CDC42SE2: variants seen among roughly 807,000 people sequenced by gnomAD.
The protein encoded by CDC42SE2 is CDC42 small effector 2.
In CDC42SE2, 3 loss-of-function variants were observed where a neutral mutation model predicts 11.5. The observed-to-expected ratio is 0.26, with a 90% confidence interval of 0.12 to 0.67. The LOEUF is 0.67. Ranked by LOEUF, CDC42SE2 falls within the 30% of genes least tolerant of loss-of-function variation. The pLI is 0.80. For synonymous variants in CDC42SE2, 33 were observed against 34.8 expected, an observed-to-expected ratio of 0.95 and a Z score of 0.18; for missense variants, 82 against 106.8, an observed-to-expected ratio of 0.77 and a Z score of 1.02.
intron 2 of CDC42SE2, among the ~76,000 whole-genome samples, chr5:131,356,132 T>C (rs1749537201): frequency 1.3e-5 from 2 of 152,216 alleles, no homozygotes; most frequent in Non-Finnish European, 2.9e-5. Flanking sequence ...AATACTCTCT[T>C]GTGCTGTAGA....
chr5:131,390,356 T>C (rs536101864), intron 4 of CDC42SE2, among the ~76,000 whole-genome samples: 3 of 152,290 alleles, frequency 2.0e-5, no homozygotes, highest in African/African-American at 7.2e-5. Context: ...ATGTGAGATA[T>C]CTGTAAATTA....
chr5:131,300,610 T>C (rs1757658005), intron 1 of CDC42SE2, among the ~76,000 whole-genome samples: 1 of 151,826 alleles, frequency 6.6e-6, no homozygotes. Flanking sequence ...CATTGAAACC[T>C]GTCTCTACTA....
intron 1 of CDC42SE2, among the ~76,000 whole-genome samples, chr5:131,292,662 G>T (rs1052259894): frequency 6.6e-6 from 1 of 151,710 alleles, no homozygotes; most frequent in Non-Finnish European, 1.5e-5. Flanking sequence ...ACTTTGGGAG[G>T]CTGAGGTTGG....
chr5:131,297,818 T>G (rs938596755), intron 1 of CDC42SE2, among the ~76,000 whole-genome samples: 3 of 152,020 alleles, frequency 2.0e-5, no homozygotes, highest in Non-Finnish European at 4.4e-5. Flanking sequence ...ATTTTACCCT[T>G]TGAGAAATAA....
chr5:131,370,945 G>T (rs575720097), intron 3 of CDC42SE2, among the ~76,000 whole-genome samples: 105 of 152,220 alleles, frequency 6.9e-4, no homozygotes, highest in Non-Finnish European at 1.3e-3. Flanking sequence ...AAATAGGAAA[G>T]AAAGGAATAC....
intron 3 of CDC42SE2, among the ~76,000 whole-genome samples, chr5:131,361,220 T>C (rs60527956): frequency 0.017 from 2,620 of 152,174 alleles, 75 homozygotes; most frequent in African/African-American, 0.06. Flanking sequence ...CTCTTCAATA[T>C]ATGATAAATG....
At chr5:131,210,240 T>C in the CDC42SE2 span, among the ~76,000 whole-genome samples, 1 of 152,218 alleles carries the variant, frequency 6.6e-6, no homozygotes, top group African/African-American at 2.4e-5. Flanking sequence ...AACAGACTGA[T>C]ACAGAGGTGC....
chr5:131,269,815 CT>C, intron 1 of CDC42SE2, among the ~76,000 whole-genome samples: 1 of 152,202 alleles, frequency 6.6e-6, no homozygotes, highest in South Asian at 2.1e-4. Flanking sequence ...AATCCTAGCA[CT>C]TTGGGAGGCC....
chr5:131,330,247 A>G lies in CDC42SE2; in HGVS notation c.-286+14103A>G, dbSNP rs200989794. 1.4e-4 allele frequency among the ~76,000 whole-genome samples: 22 copies of G among 152,346 alleles called. No homozygotes were observed. The East Asian group carries it at 3.3e-3, about 23-fold the overall frequency. ...GGTAGTTGGAATCTGAGCAGAAGCT[A>G]TAAAGCTTTTTATGACGTTCTAAGA... On this transcript the variant is annotated intron_variant, in intron 2 of 4. Coordinates refer to ENST00000505065, the MANE Select transcript of CDC42SE2 (RefSeq NM_001375635.1).
At chr5:131,280,898 T>C (rs1379491836) in intron 1 of CDC42SE2, among the ~76,000 whole-genome samples, 1 of 152,220 alleles carries the variant, frequency 6.6e-6, no homozygotes, top group East Asian at 1.9e-4. Flanking sequence ...GAAATAGTTC[T>C]TGGAAAAATT....
intron 1 of CDC42SE2, among the ~76,000 whole-genome samples, chr5:131,297,139 G>A (rs1417252159): frequency 4.1e-5 from 6 of 146,300 alleles, no homozygotes; most frequent in Non-Finnish European, 8.9e-5. Context: ...GATGACTTCA[G>A]ATTAAATACT....
upstream of CDC42SE2, among the ~76,000 whole-genome samples, chr5:131,245,330 G>A (rs1243709300): frequency 6.6e-6 from 1 of 152,104 alleles, no homozygotes; most frequent in African/African-American, 2.4e-5. Context: ...CTGACATACT[G>A]ATTGGGTTTA....
intron 1 of CDC42SE2, among the ~76,000 whole-genome samples, chr5:131,293,432 C>T (rs191885841): frequency 1.2e-3 from 181 of 152,242 alleles, no homozygotes; most frequent in African/African-American, 4.2e-3. Context: ...ATTAGCTGGA[C>T]GTGGTGGCGG....
At chr5:131,380,817 C>G (rs1043999557) in intron 3 of CDC42SE2, among the ~76,000 whole-genome samples, 9 of 152,174 alleles carry the variant, frequency 5.9e-5, no homozygotes, top group Non-Finnish European at 1.3e-4. Context: ...TTCTTCCTGT[C>G]CAGAAGGCCA....
chr5:131,244,853 A>G (rs1440282002), upstream of CDC42SE2, among the ~76,000 whole-genome samples: 1 of 152,134 alleles, frequency 6.6e-6, no homozygotes, highest in Non-Finnish European at 1.5e-5. Flanking sequence ...AAAACAAACA[A>G]ACTTGAAAAT....
intron 3 of CDC42SE2, among the ~76,000 whole-genome samples, chr5:131,380,105 TAAAG>T (rs947676142): frequency 2.0e-5 from 3 of 151,942 alleles, no homozygotes; most frequent in Admixed American, 1.3e-4. Flanking sequence ...TTTTTTTTCT[TAAAG>T]AAAATATTTA....
chr5:131,242,429 TTATA>T (rs375130001), upstream of CDC42SE2, among the ~76,000 whole-genome samples: 1 of 152,186 alleles, frequency 6.6e-6, no homozygotes, highest in African/African-American at 2.4e-5. Context: ...AGTCATTTGT[TTATA>T]TATTCTCTCT....
At chr5:131,246,227 A>G (rs1027270977) in intron 1 of CDC42SE2, among the ~76,000 whole-genome samples, 12 of 152,204 alleles carry the variant, frequency 7.9e-5, no homozygotes, top group Non-Finnish European at 1.6e-4. Context: ...AGGCTGCAGC[A>G]GGCAGATTAC....
intron 1 of CDC42SE2, among the ~76,000 whole-genome samples, chr5:131,275,229 T>A (rs1439571769): frequency 2.0e-5 from 3 of 152,060 alleles, no homozygotes; most frequent in Non-Finnish European, 4.4e-5. Context: ...TTTAAAGTGA[T>A]GTTTCTTCAA....
Sources: gnomAD v4.1 joint callset for allele counts (sites outside exome capture counted in the v4.1 genomes callset) on GRCh38, gnomAD v4.1.1 for gene constraint, MANE v1.5 for transcripts, NCBI Gene and HGNC (gene_info 2026-07-23, HGNC 2026-07-21) for gene names.